The following PCDH9 variants were observed in gnomAD, a reference collection of about 807,000 sequenced individuals.
The protein encoded by PCDH9 is protocadherin 9, also known as protocadherin-9.
In PCDH9, 24 loss-of-function variants were observed where a neutral mutation model predicts 70.6. That is an observed-to-expected ratio of 0.34 (90% CI 0.25 to 0.48). The LOEUF (loss-of-function observed/expected upper bound fraction) is 0.48. PCDH9 is among the 20% of genes least tolerant of loss of function. The probability of loss-of-function intolerance (pLI) is 0.99; values close to 1 mark genes in which losing one functional copy is unlikely to be tolerated. For missense variants in PCDH9, 1,281 were observed against 1,503.6 expected, an observed-to-expected ratio of 0.85 and a Z score of 2.45; for synonymous variants, 562 against 558.5, an observed-to-expected ratio of 1.01 and a Z score of -0.09.
At chr13:66,981,569 T>C (rs374763367) in intron 2 of PCDH9, among the ~76,000 whole-genome samples, 2 of 152,078 alleles carry the variant, frequency 1.3e-5, no homozygotes, top group East Asian at 3.8e-4. Flanking sequence ...TTTAAACTTA[T>C]TGAATTATTA....
intron 4 of PCDH9, among the ~76,000 whole-genome samples, chr13:66,625,417 G>A (rs1048632187): frequency 6.6e-6 from 1 of 151,998 alleles, no homozygotes; most frequent in Non-Finnish European, 1.5e-5. Context: ...ATTAGTGGAG[G>A]GAAGTTCTTC....
chr13:66,614,124 C>T (rs892334228), intron 4 of PCDH9, among the ~76,000 whole-genome samples: 6 of 152,078 alleles, frequency 3.9e-5, no homozygotes, highest in East Asian at 1.9e-4. Context: ...ATTTAAACTA[C>T]TGGAAACAGA....
In PCDH9 at chr13:66,304,943, G is replaced by A; in HGVS notation, c.3426C>T (p.Cys1142=). 1 of 1,613,438 alleles carries A rather than the reference G, an allele frequency of 6.2e-7. No individual in the cohort carries two copies. Among genetic ancestry groups the A allele is most frequent in the East Asian group, 2.2e-5 (1 of 44,846 alleles). ...ECLVLGHSDN[C]WMPPGLGPYQ... ...ATGGACCCAAGCCAGGAGGCATCCA[G>A]CAATTATCAGAGTGACCCAAAACCA... The change falls in exon 5 of 5, where the codon TGC becomes TGT. Residue 1142 remains cysteine (C), a synonymous_variant. Transcript: ENST00000377865.
intron 2 of PCDH9, among the ~76,000 whole-genome samples, chr13:67,046,751 G>GA (rs2085229655): frequency 6.6e-6 from 1 of 151,690 alleles, no homozygotes; most frequent in African/African-American, 2.4e-5. Context: ...AACAACAATA[G>GA]AAAAAACACA....
intron 3 of PCDH9, among the ~76,000 whole-genome samples, chr13:66,824,063 A>G (rs867222732): frequency 2.9e-4 from 44 of 151,924 alleles, no homozygotes; most frequent in Non-Finnish European, 5.1e-4. Flanking sequence ...AATTTCTTTC[A>G]TAACTTACTG....
intron 4 of PCDH9, among the ~76,000 whole-genome samples, chr13:66,564,625 G>T (rs993270508): frequency 1.2e-4 from 10 of 80,638 alleles, no homozygotes; most frequent in Non-Finnish European, 2.7e-4. Context: ...TTTAAAAACA[G>T]AGAGTACCAC....
At chr13:66,816,772 T>C (rs1191501164) in intron 3 of PCDH9, among the ~76,000 whole-genome samples, 1 of 151,938 alleles carries the variant, frequency 6.6e-6, no homozygotes, top group Non-Finnish European at 1.5e-5. Context: ...ATACAAAAAG[T>C]AGCCGGGCGC....
chr13:66,988,489 T>C (rs2083938109), intron 2 of PCDH9, among the ~76,000 whole-genome samples: 1 of 152,020 alleles, frequency 6.6e-6, no homozygotes, highest in Non-Finnish European at 1.5e-5. Flanking sequence ...GGACAAGGTG[T>C]TACATTCCAT....
intron 4 of PCDH9, among the ~76,000 whole-genome samples, chr13:66,441,814 A>T (rs1292358179): frequency 6.6e-6 from 1 of 152,166 alleles, no homozygotes; most frequent in African/African-American, 2.4e-5. Context: ...TAAAAACAGT[A>T]AAAATTGTGC....
At chr13:66,478,244 C>T (rs529158364) in intron 4 of PCDH9, among the ~76,000 whole-genome samples, 147 of 152,314 alleles carry the variant, frequency 9.7e-4, no homozygotes, top group African/African-American at 3.3e-3. Context: ...GTTCTGACTG[C>T]TCCACCAACT....
At chr13:66,503,087 A>T (rs1959185364) in intron 4 of PCDH9, among the ~76,000 whole-genome samples, 1 of 152,208 alleles carries the variant, frequency 6.6e-6, no homozygotes, top group Non-Finnish European at 1.5e-5. Flanking sequence ...TAATTAAATA[A>T]AAAATACAGA....
intron 2 of PCDH9, among the ~76,000 whole-genome samples, chr13:66,978,134 A>G (rs1316185724): frequency 6.6e-6 from 1 of 152,118 alleles, no homozygotes; most frequent in East Asian, 1.9e-4. Context: ...GTTTCAGGTT[A>G]TTGATAGTTT....
At chr13:66,716,994 G>A (rs2078873117) in intron 3 of PCDH9, among the ~76,000 whole-genome samples, 1 of 152,080 alleles carries the variant, frequency 6.6e-6, no homozygotes. Context: ...GTTAAATATG[G>A]TGGTCCTAGC....
At chr13:66,842,324 C>T (rs1422450758) in intron 3 of PCDH9, among the ~76,000 whole-genome samples, 1 of 151,978 alleles carries the variant, frequency 6.6e-6, no homozygotes, top group Non-Finnish European at 1.5e-5. Context: ...AATTTATTTC[C>T]CTTACTTGCT....
At chr13:66,517,762 A>G (rs2138600684) in intron 4 of PCDH9, among the ~76,000 whole-genome samples, 1 of 152,260 alleles carries the variant, frequency 6.6e-6, no homozygotes, top group African/African-American at 2.4e-5. Flanking sequence ...TGTACTCCAT[A>G]CTTTTAATAA....
chr13:66,707,903 C>T (rs1385336478), intron 3 of PCDH9, among the ~76,000 whole-genome samples: 1 of 152,116 alleles, frequency 6.6e-6, no homozygotes, highest in East Asian at 1.9e-4. Context: ...AAGTATTTTG[C>T]TTGTTTATCT....
At position 67,226,369 on chromosome 13, in the gene PCDH9, G is replaced by A; in HGVS notation, c.2072C>T (p.Ala691Val). ...NTSFKLVPLSAIPGSVVAEVF... is the reference protein window; with the variant it reads ...NTSFKLVPLSVIPGSVVAEVF... ...TTCTGCTACCACGGAGCCAGGAATG[G>A]CTGAGAGGGGCACCAACTTAAAGGA... Residue 691 changes from alanine (A) to valine (V), a missense_variant, in exon 2 of 5, where the codon GCC becomes GTC. This residue lies in a region of PCDH9 where 798 missense variants were observed against 1,003.1 expected (regional missense o/e 0.80). Transcript: ENST00000377865. This position sits in a 1 kb window ranked among gnomAD's most constrained non-coding sequence, Gnocchi z 5.0. 1 of 1,614,204 alleles carries A rather than the reference G, an allele frequency of 6.2e-7. No homozygotes were observed. The highest frequency in any genetic ancestry group is 1.7e-5 in the Admixed American group (1 of 60,022).
intron 4 of PCDH9, among the ~76,000 whole-genome samples, chr13:66,607,891 C>A (rs1342483748): frequency 6.6e-6 from 1 of 151,930 alleles, no homozygotes; most frequent in Non-Finnish European, 1.5e-5. Flanking sequence ...ATAATCATCT[C>A]TTCCATAGAA....
chr13:66,919,505 T>G (rs182553764), intron 2 of PCDH9, among the ~76,000 whole-genome samples: 1 of 151,400 alleles, frequency 6.6e-6, no homozygotes, highest in Admixed American at 6.6e-5. Context: ...AAAACTGTTT[T>G]GAAATAAGCT....
Sources: allele counts gnomAD v4.1 joint callset (sites outside exome capture counted in the v4.1 genomes callset), GRCh38; gene constraint gnomAD v4.1.1; regional missense constraint gnomAD v4.1.1; non-coding constraint Gnocchi (gnomAD v3.1); transcripts MANE v1.5; gene names NCBI Gene and HGNC (gene_info 2026-07-23, HGNC 2026-07-21).